CUL3: variants seen among roughly 807,000 people sequenced by gnomAD.
CUL3 encodes cullin-3.
A neutral mutation model predicts 89.1 loss-of-function variants in CUL3; 19 were observed. The ratio of observed to expected loss-of-function variants is 0.21; its 90% CI spans 0.15 to 0.31. The LOEUF (loss-of-function observed/expected upper bound fraction) is 0.31. CUL3 is among the 10% of genes least tolerant of loss of function. The pLI is 1.00. For missense variants in CUL3, 469 were observed against 942.3 expected (o/e 0.50, Z 6.58); for synonymous variants, 351 against 308.4 (o/e 1.14, Z -1.45).
intron 3 of CUL3, among the ~76,000 whole-genome samples, chr2:224,523,147 T>C (rs931535879): frequency 6.6e-6 from 1 of 152,188 alleles, no homozygotes; most frequent in Non-Finnish European, 1.5e-5. Flanking sequence ...ATTCAGTGGT[T>C]AAGAGCACTG....
chr2:224,511,341 C>T lies in CUL3; in HGVS notation c.883+13G>A, dbSNP rs147823056. 8 of 1,534,750 alleles carry T rather than the reference C, an allele frequency of 5.2e-6. No individual in the cohort carries two copies. The highest frequency in any genetic ancestry group is 1.9e-5 in the Admixed American group (1 of 53,744). On this transcript the variant is annotated intron_variant, in intron 6 of 15. Transcript: ENST00000264414. Reference sequence around the variant, plus strand: ...AGTAAGGATTTAATTATTTTTCAATCGGTAACACTTACCTTCTGTCTTTCC... The same window carrying T: ...AGTAAGGATTTAATTATTTTTCAATTGGTAACACTTACCTTCTGTCTTTCC...
chr2:224,502,867 T>A, intron 10 of CUL3, 98 bp downstream of exon 10: 1 of 807,836 alleles, frequency 1.2e-6, no homozygotes, highest in Non-Finnish European at 2.0e-6. Context: ...ACTAATGACA[T>A]TTAAAGAAAC....
intron 3 of CUL3, among the ~76,000 whole-genome samples, chr2:224,529,081 T>C (rs1183179821): frequency 6.6e-6 from 1 of 152,200 alleles, no homozygotes; most frequent in African/African-American, 2.4e-5. Context: ...ATACTATCTA[T>C]AATTTTCCCT....
At position 224,473,511 on chromosome 2, in the gene CUL3, T is replaced by C. The variant is rs1365083157; in HGVS notation, c.*734A>G. The stretch of plus-strand genomic sequence containing the variant: ...GAGTACAACAGCAAAAAAATTATTG[T>C]ACAATTTACACATACTAAAATACTT... On this transcript the variant is annotated 3_prime_UTR_variant, in exon 16 of 16. Coordinates refer to ENST00000264414, the MANE Select transcript of CUL3 (RefSeq NM_003590.5). 1 of 182,550 alleles carries C rather than the reference T, an allele frequency of 5.5e-6. No homozygotes were observed. Among genetic ancestry groups the C allele is most frequent in the African/African-American group, 2.4e-5 (1 of 42,490 alleles). The allele number at this position is 182,550 out of a possible 1,614,324, so 11.3% of individuals were successfully genotyped here.
At chr2:224,538,481 T>C (rs1388128875) in intron 2 of CUL3, among the ~76,000 whole-genome samples, 3 of 152,058 alleles carry the variant, frequency 2.0e-5, no homozygotes, top group Admixed American at 6.6e-5. Flanking sequence ...GCATGGGAAA[T>C]ATGGTGGGAG....
Position 224,535,651 on chromosome 2 carries a change from G to A in CUL3, c.265-10C>T, listed in dbSNP as rs752080376. ...GTACATCTTCTCGCACCTAGTAACA[G>A]AAGAGTTCATTAGTTTGCACACACA... On this transcript the variant is annotated splice_polypyrimidine_tract_variant and intron_variant, in intron 2 of 15. Coordinates refer to ENST00000264414, the MANE Select transcript of CUL3 (RefSeq NM_003590.5). 2 of 1,573,692 alleles carry A rather than the reference G, an allele frequency of 1.3e-6. No individual in the cohort carries two copies. Among genetic ancestry groups the A allele is most frequent in the Admixed American group, 3.3e-5 (2 of 59,900 alleles).
At chr2:224,506,207 T>C in intron 7 of CUL3, 75 bp from the exon 8 acceptor site, 1 of 1,010,324 alleles carries the variant, frequency 9.9e-7, no homozygotes. Context: ...ACCATGTATG[T>C]TTATCTTAAC....
At chr2:224,513,469 T>G in intron 5 of CUL3, 55 bp downstream of exon 5, 1 of 1,171,638 alleles carries the variant, frequency 8.5e-7, no homozygotes. Flanking sequence ...GTAACTATAT[T>G]AAATAACATT....
chr2:224,559,269 G>A (rs1011153489), intron 1 of CUL3, among the ~76,000 whole-genome samples: 2 of 151,778 alleles, frequency 1.3e-5, no homozygotes, highest in Non-Finnish European at 1.5e-5. Context: ...GGGCAATACA[G>A]TGAGACCCTG....
intron 2 of CUL3, among the ~76,000 whole-genome samples, chr2:224,549,875 C>T (rs1433164171): frequency 1.3e-5 from 2 of 152,066 alleles, no homozygotes; most frequent in Non-Finnish European, 1.5e-5. Flanking sequence ...CACACACACA[C>T]ACGCACACAC....
intron 3 of CUL3, among the ~76,000 whole-genome samples, chr2:224,519,409 G>A (rs962142798): frequency 6.6e-5 from 10 of 152,182 alleles, no homozygotes; most frequent in Admixed American, 5.2e-4. Context: ...AAGCTGGAAG[G>A]TGTAGGCAGA....
At chr2:224,492,347 T>C (rs751457461) in intron 13 of CUL3, among the ~76,000 whole-genome samples, 1 of 152,218 alleles carries the variant, frequency 6.6e-6, no homozygotes, top group Non-Finnish European at 1.5e-5. Flanking sequence ...TGTGAAGTTA[T>C]GTCCCTAATG....
At chr2:224,502,897 G>C in intron 10 of CUL3, 68 bp downstream of exon 10, 6 of 1,070,380 alleles carry the variant, frequency 5.6e-6, no homozygotes, top group Non-Finnish European at 8.6e-6. Context: ...CTGCTAAGTG[G>C]ATGAAAATAT....
chr2:224,511,614 CAT>C (rs769403955), intron 5 of CUL3, 32 bp from the exon 6 acceptor site: 12 of 1,263,946 alleles, frequency 9.5e-6, no homozygotes, highest in East Asian at 2.6e-5. Flanking sequence ...ATTTTTTAAA[CAT>C]AGAAGAAAAG....
At chr2:224,525,601 C>A (rs1213641356) in intron 3 of CUL3, among the ~76,000 whole-genome samples, 1 of 152,050 alleles carries the variant, frequency 6.6e-6, no homozygotes, top group Non-Finnish European at 1.5e-5. Context: ...TTAAAAATAA[C>A]AAAAATAATG....
chr2:224,551,229 G>C (rs541286807), intron 2 of CUL3, among the ~76,000 whole-genome samples: 3 of 144,342 alleles, frequency 2.1e-5, no homozygotes, highest in Non-Finnish European at 4.5e-5. Flanking sequence ...TTTTTGAGAC[G>C]GAGTCTCACT....
intron 13 of CUL3, among the ~76,000 whole-genome samples, chr2:224,491,744 G>A (rs567828378): frequency 6.6e-6 from 1 of 152,214 alleles, no homozygotes; most frequent in South Asian, 2.1e-4. Flanking sequence ...ATTCTAAGGT[G>A]GCGATGAGTC....
At chr2:224,501,533 C>T (rs564330563) in intron 10 of CUL3, among the ~76,000 whole-genome samples, 29 of 152,228 alleles carry the variant, frequency 1.9e-4, no homozygotes, top group African/African-American at 5.8e-4. Context: ...TTTTATCTTA[C>T]CTCAATGATT....
rs536959466 is a variant in CUL3, at chr2:224,478,203, C to A, written c.2172G>T (p.Ala724=). 1 of 1,611,150 alleles carries A rather than the reference C, an allele frequency of 6.2e-7. No individual in the cohort carries two copies. The highest frequency in any genetic ancestry group is 1.3e-5 in the African/African-American group (1 of 74,866). ...CCCAGTAGTGAAGAGTCCTCACCTC[C>A]GCTACTAGAACATTGTGCTGCATCT... The part of the protein sequence containing the change: ...RKKMQHNVLV[A]EVTQQLKARF... Residue 724 remains alanine (A), a synonymous_variant, in exon 15 of 16, where the codon GCG becomes GCT. Coordinates refer to ENST00000264414, the MANE Select transcript of CUL3 (RefSeq NM_003590.5).
Sources: allele counts gnomAD v4.1 joint callset (sites outside exome capture counted in the v4.1 genomes callset), GRCh38; gene constraint gnomAD v4.1.1; transcripts MANE v1.5; gene names NCBI Gene and HGNC (gene_info 2026-07-23, HGNC 2026-07-21).